The following FBXO40 variants were observed in gnomAD, a reference collection of about 807,000 sequenced individuals.
The protein encoded by FBXO40 is F-box only protein 40.
Under a neutral mutation model 49.9 loss-of-function variants are expected in FBXO40, and 50 were observed. The ratio of observed to expected loss-of-function variants is 1.00; its 90% confidence interval spans 0.80 to 1.27. The LOEUF (loss-of-function observed/expected upper bound fraction) is 1.27. Among genes scored for constraint, FBXO40 ranks in the 50% most tolerant of loss-of-function variants. The pLI, the probability that FBXO40 is intolerant of heterozygous loss-of-function variation, is 0.00. For missense variants in FBXO40, 895 were observed against 870.1 expected (o/e 1.03, Z -0.36); for synonymous variants, 340 against 320.2 (o/e 1.06, Z -0.66).
intron 1 of FBXO40, among the ~76,000 whole-genome samples, chr3:121,616,178 G>T (rs548873316): frequency 6.6e-6 from 1 of 152,054 alleles, no homozygotes; most frequent in Non-Finnish European, 1.5e-5. Context: ...TTCTGCTTGC[G>T]ATTTCTCACC....
At chr3:121,603,624 A>G (rs558040123) in intron 1 of FBXO40, among the ~76,000 whole-genome samples, 2 of 152,388 alleles carry the variant, frequency 1.3e-5, no homozygotes, top group East Asian at 1.9e-4. Context: ...TTTTCAGACC[A>G]TAAGTATTAA....
chr3:121,613,120 C>T (rs2048976558), intron 1 of FBXO40, among the ~76,000 whole-genome samples: 1 of 151,954 alleles, frequency 6.6e-6, no homozygotes, highest in South Asian at 2.1e-4. Flanking sequence ...TTAAACCTTC[C>T]CTTCCCTAAT....
intron 1 of FBXO40, among the ~76,000 whole-genome samples, chr3:121,599,703 CACATAT>C (rs1275427705): frequency 3.1e-4 from 14 of 45,672 alleles, no homozygotes; most frequent in African/African-American, 1.1e-3. Flanking sequence ...CACACACACA[CACATAT>C]ATATATATAT....
Position 121,597,658 on chromosome 3 carries a change from C to CTTTTTTTTTTTTTTTTTT in FBXO40, c.-31+4156_-31+4157insTTTTTTTTTTTTTTTTTT, listed in dbSNP as rs137900064. Among the ~76,000 whole-genome samples, 2 of 127,820 alleles carry CTTTTTTTTTTTTTTTTTT rather than the reference C, an allele frequency of 1.6e-5. 1 individual carries two copies. The allele number at this position is 127,820 out of a possible 152,430, so 83.9% of individuals were successfully genotyped here. On this transcript the variant is annotated intron_variant, in intron 1 of 3. Transcript: ENST00000338040. The stretch of plus-strand genomic sequence containing the variant: ...CAACCCTATTGGTTATTATAGGCCC[C>CTTTTTTTTTTTTTTTTTT]CTTTTTTTTTTTTTTTTTTTTGAGA...
In FBXO40 at chr3:121,621,420, T is replaced by C; in HGVS notation, c.4-13T>C. 1 of 1,600,124 alleles carries C rather than the reference T, an allele frequency of 6.2e-7. No homozygotes were observed. The highest frequency in any genetic ancestry group is 1.1e-5 in the South Asian group (1 of 89,648). ...TTCATTTGTTTTCTTCCCCCTGTCC[T>C]TGGTGTGTCCAGGGGAAAGCCCGCA... On this transcript the variant is annotated splice_polypyrimidine_tract_variant and intron_variant, in intron 2 of 3. Transcript: ENST00000338040.
At chr3:121,596,945 T>C (rs1224896350) in intron 1 of FBXO40, among the ~76,000 whole-genome samples, 1 of 152,214 alleles carries the variant, frequency 6.6e-6, no homozygotes, top group African/African-American at 2.4e-5. Flanking sequence ...GGGCAGTGTT[T>C]GCTCTACTCA....
chr3:121,612,331 A>C (rs904372334), intron 1 of FBXO40, among the ~76,000 whole-genome samples: 1 of 152,190 alleles, frequency 6.6e-6, no homozygotes, highest in Non-Finnish European at 1.5e-5. Context: ...TCTTTGGGGA[A>C]CGAATGTAAG....
intron 1 of FBXO40, among the ~76,000 whole-genome samples, chr3:121,599,686 A>ACT: frequency 1.2e-5 from 1 of 80,816 alleles, no homozygotes; most frequent in Non-Finnish European, 2.7e-5. Flanking sequence ...ACACACACAC[A>ACT]CACACACACA....
intron 1 of FBXO40, among the ~76,000 whole-genome samples, chr3:121,606,441 A>G (rs2048932478): frequency 6.6e-6 from 1 of 152,216 alleles, no homozygotes; most frequent in Admixed American, 6.5e-5. Context: ...ACCTTTCCAC[A>G]TTGGGGAAAG....
chr3:121,618,745 G>A (rs1389221365), intron 1 of FBXO40, among the ~76,000 whole-genome samples: 1 of 151,680 alleles, frequency 6.6e-6, no homozygotes, highest in Non-Finnish European at 1.5e-5. Context: ...GTGTGTGTAT[G>A]TGTGTGTGTG....
intron 1 of FBXO40, among the ~76,000 whole-genome samples, chr3:121,605,447 C>T (rs922152304): frequency 6.6e-6 from 1 of 152,188 alleles, no homozygotes; most frequent in Admixed American, 6.5e-5. Context: ...GGTATGTTGG[C>T]ATTGTCTTGC....
chr3:121,596,867 C>T (rs993770925), intron 1 of FBXO40, among the ~76,000 whole-genome samples: 2 of 152,140 alleles, frequency 1.3e-5, no homozygotes, highest in Admixed American at 1.3e-4. Flanking sequence ...TTTTAAAATG[C>T]TGCCTTTTTA....
chr3:121,605,221 G>A (rs1242636301), intron 1 of FBXO40, among the ~76,000 whole-genome samples: 4 of 152,154 alleles, frequency 2.6e-5, no homozygotes, highest in Non-Finnish European at 5.9e-5. Flanking sequence ...ACAGGCATGA[G>A]CCACCATGCC....
chr3:121,610,967 T>A (rs948744793), intron 1 of FBXO40, among the ~76,000 whole-genome samples: 17 of 152,234 alleles, frequency 1.1e-4, no homozygotes, highest in Non-Finnish European at 2.2e-4. Context: ...TCCTACTGGA[T>A]AGATGTCATG....
chr3:121,619,145 G>A lies in FBXO40; in HGVS notation c.-30-1401G>A, dbSNP rs141088959. 7.7e-4 allele frequency among the ~76,000 whole-genome samples: 116 copies of A among 151,332 alleles called. 1 individual carries two copies. The highest frequency in any genetic ancestry group is 1.0e-3 in the Non-Finnish European group (71 of 67,848). ...CTCTCAAGTAGCTGGGACCATAGGC[G>A]TGCACCACCATGCCCCGCTAATTTT... On this transcript the variant is annotated intron_variant, in intron 1 of 3. Coordinates refer to ENST00000338040, the MANE Select transcript of FBXO40 (RefSeq NM_016298.4).
At chr3:121,612,234 C>G (rs1211823276) in intron 1 of FBXO40, among the ~76,000 whole-genome samples, 3 of 152,294 alleles carry the variant, frequency 2.0e-5, no homozygotes, top group African/African-American at 7.2e-5. Context: ...GCCCCTGTCA[C>G]CATCTGCCAG....
chr3:121,618,727 C>CTGTGTGTGTGTG (rs919965646), intron 1 of FBXO40, among the ~76,000 whole-genome samples: 5 of 150,014 alleles, frequency 3.3e-5, no homozygotes, highest in Non-Finnish European at 5.9e-5. Flanking sequence ...TCAGCCAAAA[C>CTGTGTGTGTGTG]TGTGTGTGTG....
chr3:121,605,555 G>A (rs911974766), intron 1 of FBXO40, among the ~76,000 whole-genome samples: 1 of 152,168 alleles, frequency 6.6e-6, no homozygotes, highest in African/African-American at 2.4e-5. Context: ...TAGGTGTCCT[G>A]CAGAGGTGGT....
In FBXO40 at chr3:121,626,826, TA is replaced by T. The variant is rs1464851748; in HGVS notation, c.2047del (p.Ser683AlafsTer13). The T allele has an allele frequency of 3.1e-6, 5 of 1,614,054 alleles. No homozygotes were observed. On this transcript the variant is annotated frameshift_variant, in exon 4 of 4. Transcript: ENST00000338040. LOFTEE classifies it high-confidence loss of function. The part of the protein sequence containing the change: ...EHKTDPILLT[S>X]MCQPREQARE... ...ACAAAACTGACCCGATTCTTTTGAC[TA>T]GCATGTGTCAGCCCCGTGAGCAGGC...
Sources: gnomAD v4.1 joint callset for allele counts (sites outside exome capture counted in the v4.1 genomes callset) on GRCh38, gnomAD v4.1.1 for gene constraint, MANE v1.5 for transcripts, NCBI Gene and HGNC (gene_info 2026-07-23, HGNC 2026-07-21) for gene names.